Variants in ANK2 observed in about 807,000 individuals in gnomAD.
The protein encoded by ANK2 is ankyrin 2, also known as ankyrin-2.
ANK2 carries 83 observed loss-of-function variants against 360.5 expected under a neutral mutation model. The observed-to-expected ratio is 0.23, with a 90% CI of 0.19 to 0.28. The LOEUF (loss-of-function observed/expected upper bound fraction) is 0.28, where lower values mean the gene tolerates loss of function less well. Ranked by LOEUF, ANK2 falls within the 10% of genes least tolerant of loss-of-function variation. The pLI is 1.00. For synonymous variants in ANK2, 1,740 were observed against 1,759.5 expected (o/e 0.99, Z 0.28); for missense variants, 4,201 against 4,795.7 (o/e 0.88, Z 3.66).
At chr4:113,371,586 A>T (rs915392616) in intron 43 of ANK2, among the ~76,000 whole-genome samples, 1 of 152,182 alleles carries the variant, frequency 6.6e-6, no homozygotes, top group Non-Finnish European at 1.5e-5. Flanking sequence ...GGCCTGTTCG[A>T]CTTATTCTTG....
At chr4:112,865,920 G>A (rs772833894) in intron 1 of ANK2, among the ~76,000 whole-genome samples, 2 of 151,878 alleles carry the variant, frequency 1.3e-5, no homozygotes, top group Non-Finnish European at 2.9e-5. Context: ...TTTTTCTGTA[G>A]CAATGTGAGT....
intron 2 of ANK2, among the ~76,000 whole-genome samples, chr4:112,992,582 G>A (rs545075268): frequency 1.8e-4 from 27 of 152,320 alleles, no homozygotes; most frequent in East Asian, 5.8e-4. Flanking sequence ...TGAGTTGTGC[G>A]TGCCAGTATG....
chr4:113,053,255 C>A (rs1286366539), intron 1 of ANK2, among the ~76,000 whole-genome samples: 1 of 152,084 alleles, frequency 6.6e-6, no homozygotes, highest in East Asian at 1.9e-4. Flanking sequence ...ACAAAGATAC[C>A]TTTGGAGAGA....
intron 2 of ANK2, among the ~76,000 whole-genome samples, chr4:113,027,545 A>G (rs146019333): frequency 6.6e-6 from 1 of 152,210 alleles, no homozygotes; most frequent in East Asian, 1.9e-4. Flanking sequence ...ATTGGAGCGG[A>G]ACCATATGCT....
chr4:113,148,810 A>T (rs370568907), intron 1 of ANK2, among the ~76,000 whole-genome samples: 24 of 152,304 alleles, frequency 1.6e-4, no homozygotes, highest in African/African-American at 5.8e-4. Flanking sequence ...GGACGGAAGG[A>T]TGGTTAGCAT....
chr4:113,092,836 A>G (rs933896587), intron 1 of ANK2, among the ~76,000 whole-genome samples: 11 of 152,294 alleles, frequency 7.2e-5, no homozygotes, highest in African/African-American at 2.6e-4. Context: ...CTGGTGCGCT[A>G]TATAATCTTA....
the ANK2 span, chr4:112,797,009 G>A: frequency 5.8e-6 from 1 of 171,688 alleles, no homozygotes; most frequent in East Asian, 1.3e-4. Flanking sequence ...GAGAAATTCT[G>A]AGTTTGCCCA....
intron 1 of ANK2, among the ~76,000 whole-genome samples, chr4:113,077,482 T>C (rs884555): frequency 0.35 from 53,214 of 152,050 alleles, 11,430 homozygotes; most frequent in Non-Finnish European, 0.47. Flanking sequence ...CTGGGTTGTT[T>C]TAAGAGTGGT....
At chr4:113,132,525 A>C (rs1198381458) in intron 1 of ANK2, among the ~76,000 whole-genome samples, 1 of 152,164 alleles carries the variant, frequency 6.6e-6, no homozygotes, top group Non-Finnish European at 1.5e-5. Flanking sequence ...CATTCCACAG[A>C]ACTACTTTGT....
chr4:112,816,100 T>G (rs1244763826), upstream of ANK2, among the ~76,000 whole-genome samples: 1 of 152,166 alleles, frequency 6.6e-6, no homozygotes, highest in Non-Finnish European at 1.5e-5. Flanking sequence ...GGGGCAGTCT[T>G]GTGGAACTGA....
the ANK2 span, among the ~76,000 whole-genome samples, chr4:112,725,808 A>G: frequency 1.3e-5 from 2 of 152,206 alleles, no homozygotes; most frequent in Non-Finnish European, 2.9e-5. Context: ...TAATGGGTAC[A>G]GAGTTTCAGT....
intron 27 of ANK2, 92 bp downstream of exon 27, chr4:113,330,562 A>C (rs1365129168): frequency 6.0e-6 from 8 of 1,330,590 alleles, no homozygotes; most frequent in Non-Finnish European, 8.4e-6. Context: ...AAGGTACGTC[A>C]AACCATTTTG....
chr4:113,044,617 G>T (rs1003491924), intron 2 of ANK2, among the ~76,000 whole-genome samples: 1 of 152,132 alleles, frequency 6.6e-6, no homozygotes, highest in African/African-American at 2.4e-5. Flanking sequence ...CCTTCTGAAG[G>T]CTCTGGAGAA....
intron 1 of ANK2, among the ~76,000 whole-genome samples, chr4:113,131,757 C>G (rs1278443947): frequency 1.3e-5 from 2 of 152,228 alleles, no homozygotes; most frequent in African/African-American, 4.8e-5. Flanking sequence ...AGCCCCCTAA[C>G]ATTCCTGCAC....
intron 43 of ANK2, among the ~76,000 whole-genome samples, chr4:113,371,394 A>ACATT (rs1474867983): frequency 6.6e-6 from 1 of 152,230 alleles, no homozygotes; most frequent in Admixed American, 6.5e-5. Context: ...CTTGGCTTGA[A>ACATT]TGAGTACTAC....
At chr4:112,808,781 A>G in the ANK2 span, among the ~76,000 whole-genome samples, 2 of 152,340 alleles carry the variant, frequency 1.3e-5, no homozygotes. Context: ...TGGAATAGTT[A>G]TTTCAGAGAT....
intron 1 of ANK2, among the ~76,000 whole-genome samples, chr4:112,856,916 T>C (rs2066573071): frequency 6.6e-6 from 1 of 152,086 alleles, no homozygotes; most frequent in Non-Finnish European, 1.5e-5. Context: ...GGGGTCAGGG[T>C]TGGAAAATTA....
At chr4:113,256,526 G>C (rs1474832538) in intron 11 of ANK2, among the ~76,000 whole-genome samples, 3 of 152,146 alleles carry the variant, frequency 2.0e-5, no homozygotes, top group Non-Finnish European at 2.9e-5. Flanking sequence ...ACTGCAAGAG[G>C]CTGTCCCTAG....
At chr4:112,845,566 C>T (rs1258792322) in intron 1 of ANK2, among the ~76,000 whole-genome samples, 4 of 152,034 alleles carry the variant, frequency 2.6e-5, no homozygotes, top group African/African-American at 9.7e-5. Context: ...AGGGCAGGTA[C>T]GTGGAGCCCT....
Sources: allele counts gnomAD v4.1 joint callset (sites outside exome capture counted in the v4.1 genomes callset), GRCh38; gene constraint gnomAD v4.1.1; transcripts MANE v1.5; gene names NCBI Gene and HGNC (gene_info 2026-07-23, HGNC 2026-07-21).